EMILIN2: variants seen among roughly 807,000 people sequenced by gnomAD.
The protein encoded by EMILIN2 is EMILIN-2.
Under a neutral mutation model 87.1 loss-of-function variants are expected in EMILIN2, and 71 were observed. The observed-to-expected ratio is 0.82, with a 90% CI of 0.67 to 0.99. EMILIN2 has a LOEUF of 0.99. Among genes scored for constraint, EMILIN2 ranks in the 50% least tolerant of loss-of-function variants. EMILIN2 has a pLI of 0.00. For missense variants in EMILIN2, 1,407 were observed against 1,371.8 expected, an observed-to-expected ratio of 1.03 and a Z score of -0.40; for synonymous variants, 581 against 563.4, an observed-to-expected ratio of 1.03 and a Z score of -0.44.
At chr18:2,874,595 A>G (rs2076738326) in intron 2 of EMILIN2, among the ~76,000 whole-genome samples, 1 of 152,170 alleles carries the variant, frequency 6.6e-6, no homozygotes, top group African/African-American at 2.4e-5. Context: ...AGTACAGGCG[A>G]ATGAAAACAT....
chr18:2,873,696 G>C (rs1398897353), intron 2 of EMILIN2, among the ~76,000 whole-genome samples: 2 of 151,586 alleles, frequency 1.3e-5, no homozygotes, highest in Non-Finnish European at 2.9e-5. Context: ...GACAGAGCAA[G>C]ACTCCATCTC....
chr18:2,876,848 A>G (rs1317420661), intron 2 of EMILIN2, among the ~76,000 whole-genome samples: 4 of 152,226 alleles, frequency 2.6e-5, no homozygotes, highest in African/African-American at 9.6e-5. Context: ...TTCACTGGAT[A>G]CATTTTGTGT....
At chr18:2,899,533 C>G (rs898407745) in intron 4 of EMILIN2, among the ~76,000 whole-genome samples, 9 of 152,044 alleles carry the variant, frequency 5.9e-5, no homozygotes, top group African/African-American at 2.2e-4. Flanking sequence ...TCAGCGGAGT[C>G]TTGCTCTGTC....
chr18:2,896,671 A>G (rs1167065240), intron 4 of EMILIN2, among the ~76,000 whole-genome samples: 1 of 149,074 alleles, frequency 6.7e-6, no homozygotes, highest in Non-Finnish European at 1.5e-5. Flanking sequence ...TTATTTTTTT[A>G]GAGATGGGTT....
rs1223531185 is a variant in EMILIN2, at chr18:2,905,821, G to T, written c.2360-962G>T. Among the ~76,000 whole-genome samples the T allele has an allele frequency of 2.8e-5, 4 of 144,270 alleles. No homozygotes were observed. The Admixed American group carries it at 2.8e-4, about 10-fold the overall frequency. The allele number at this position is 144,270 out of a possible 152,430, so 94.6% of individuals were successfully genotyped here. ...GGATATTTGGAAGAGATGAGGTTTC[G>T]CCATCTTGGTCAGGCTGGTCTCGAA... On this transcript the variant is annotated intron_variant, in intron 4 of 7. Coordinates refer to ENST00000254528, the MANE Select transcript of EMILIN2 (RefSeq NM_032048.3).
intron 2 of EMILIN2, among the ~76,000 whole-genome samples, chr18:2,858,095 G>C (rs1193562646): frequency 6.6e-6 from 1 of 152,102 alleles, no homozygotes; most frequent in East Asian, 1.9e-4. Context: ...GAAACTCCTT[G>C]TCAGAATCAT....
In EMILIN2 at chr18:2,892,240, AG is replaced by A. The variant is rs761331643; in HGVS notation, c.2116del (p.Val706CysfsTer39). On this transcript the variant is annotated frameshift_variant, in exon 4 of 8. Transcript: ENST00000254528. LOFTEE classifies it high-confidence loss of function. ...VQREVSMVEG[R>X]VSHMEKTCSK... The stretch of plus-strand genomic sequence containing the variant: ...GAGGGAGGTCTCCATGGTGGAGGGC[AG>A]GGTGTCTCATATGGAGAAAACTTGC... 13 of 1,612,530 alleles carry A rather than the reference AG, an allele frequency of 8.1e-6. No homozygotes were observed. The highest frequency in any genetic ancestry group is 4.0e-5 in the African/African-American group (3 of 74,910).
At chr18:2,866,013 T>TGCGG (rs2076684973) in intron 2 of EMILIN2, among the ~76,000 whole-genome samples, 1 of 152,222 alleles carries the variant, frequency 6.6e-6, no homozygotes, top group Non-Finnish European at 1.5e-5. Context: ...CCGAGCCTGG[T>TGCGG]GCGGGATATA....
At chr18:2,858,557 A>ATGTG (rs1568454042) in intron 2 of EMILIN2, among the ~76,000 whole-genome samples, 2 of 54,532 alleles carry the variant, frequency 3.7e-5, no homozygotes, top group Admixed American at 1.9e-4. Flanking sequence ...ATATATATAT[A>ATGTG]TATATATATA....
At position 2,847,291 on chromosome 18, in the gene EMILIN2, G is replaced by T; in HGVS notation, c.103G>T (p.Gly35Trp). The T allele has an allele frequency of 1.5e-6, 2 of 1,317,418 alleles. No individual in the cohort carries two copies. Among genetic ancestry groups the T allele is most frequent in the South Asian group, 4.0e-5 (2 of 49,650 alleles). 81.6% of individuals were successfully genotyped at this position (1,317,418 alleles called of 1,614,324 possible). The change falls in exon 1 of 8, where the codon GGG becomes TGG. Residue 35 changes from glycine to tryptophan, a missense_variant. Gly to Trp is a radical substitution (Grantham distance 184). Coordinates refer to ENST00000254528, the MANE Select transcript of EMILIN2 (RefSeq NM_032048.3). This position sits in a 1 kb window ranked among gnomAD's most constrained non-coding sequence, Gnocchi z 4.5. ...AGLCHAGPQP[G>W]YPARPSARNK... ...GCTGTGCCACGCCGGCCCGCAGCCC[G>T]GGTATCCCGCGCGGCCCAGCGCCAG...
chr18:2,895,996 C>T (rs571584500), intron 4 of EMILIN2, among the ~76,000 whole-genome samples: 1 of 152,260 alleles, frequency 6.6e-6, no homozygotes, highest in East Asian at 1.9e-4. Flanking sequence ...CTTCACAGAT[C>T]CTGTTTCCTT....
At chr18:2,889,692 C>CTTTTTT (rs34248672) in intron 3 of EMILIN2, among the ~76,000 whole-genome samples, 420 of 96,318 alleles carry the variant, frequency 4.4e-3, no homozygotes, top group African/African-American at 7.4e-3. Flanking sequence ...TTTTTCTTTT[C>CTTTTTT]TTTTTTTTTT....
chr18:2,883,360 C>T (rs551794364), intron 2 of EMILIN2, among the ~76,000 whole-genome samples: 2 of 152,184 alleles, frequency 1.3e-5, no homozygotes, highest in Non-Finnish European at 2.9e-5. Flanking sequence ...CCCGCCTCCC[C>T]CCATGGGCAG....
At chr18:2,874,344 T>C (rs968719112) in intron 2 of EMILIN2, among the ~76,000 whole-genome samples, 5 of 152,182 alleles carry the variant, frequency 3.3e-5, no homozygotes, top group Non-Finnish European at 7.3e-5. Flanking sequence ...TGTGCACCAC[T>C]GCACCCAGCT....
At chr18:2,870,155 C>T (rs891956147) in intron 2 of EMILIN2, among the ~76,000 whole-genome samples, 2 of 152,098 alleles carry the variant, frequency 1.3e-5, no homozygotes, top group African/African-American at 2.4e-5. Context: ...GTGGGAGGAT[C>T]GCTTGGGCTG....
intron 4 of EMILIN2, among the ~76,000 whole-genome samples, chr18:2,898,983 G>A (rs761923578): frequency 9.2e-5 from 14 of 152,164 alleles, no homozygotes; most frequent in Non-Finnish European, 1.5e-4. Context: ...CGTGTAAACC[G>A]CAGCTGCTCT....
chr18:2,913,036 G>GT, intron 7 of EMILIN2, 31 bp from the exon 8 acceptor site: 1 of 1,601,922 alleles, frequency 6.2e-7, no homozygotes, highest in Non-Finnish European at 8.5e-7. Context: ...ACGACAGCAG[G>GT]TGAGCACAGG....
chr18:2,852,012 A>C (rs139455311), intron 2 of EMILIN2, among the ~76,000 whole-genome samples: 1 of 152,266 alleles, frequency 6.6e-6, no homozygotes, highest in East Asian at 1.9e-4. Context: ...CTCTGTCTCT[A>C]TAGCAATGCA....
At position 2,913,116 on chromosome 18, in the gene EMILIN2, C is replaced by T. The variant is rs373894225; in HGVS notation, c.2874C>T (p.Leu958=). ...YDGRYLITAT[L]TPERDAYVEA... ...GGCGCTACCTGATCACGGCCACCCT[C>T]ACCCCCGAGAGAGACGCCTACGTGG... Residue 958 remains leucine (L), a synonymous_variant, in exon 8 of 8, where the codon CTC becomes CTT. Coordinates refer to ENST00000254528, the MANE Select transcript of EMILIN2 (RefSeq NM_032048.3). 8.5e-5 allele frequency: 137 copies of T among 1,613,070 alleles called. No individual in the cohort carries two copies. Among genetic ancestry groups the T allele is most frequent in the Middle Eastern group, 3.3e-4 (2 of 6,084 alleles).
Sources: gnomAD v4.1 joint callset for allele counts (sites outside exome capture counted in the v4.1 genomes callset) on GRCh38, gnomAD v4.1.1 for gene constraint, Gnocchi (gnomAD v3.1) non-coding constraint, MANE v1.5 for transcripts, NCBI Gene and HGNC (gene_info 2026-07-23, HGNC 2026-07-21) for gene names.